The following SYNJ2 variants were observed in gnomAD, a reference collection of about 807,000 sequenced individuals.
SYNJ2 encodes the protein synaptojanin 2, also known as polyphosphatidylinositol phosphatase SYNJ2.
SYNJ2 carries 116 observed loss-of-function variants against 141.3 expected under a neutral mutation model. The observed-to-expected ratio is 0.82, with a 90% CI of 0.71 to 0.96. The LOEUF is 0.96. Ranked by LOEUF, SYNJ2 falls within the 40% of genes least tolerant of loss-of-function variation. SYNJ2 has a pLI of 0.00. For synonymous variants in SYNJ2, 745 were observed against 777.7 expected, an observed-to-expected ratio of 0.96 and a Z score of 0.70; for missense variants, 1,873 against 1,934.8, an observed-to-expected ratio of 0.97 and a Z score of 0.60.
At chr6:158,054,939 T>G in intron 5 of SYNJ2, 28 bp from the exon 6 acceptor site, 5 of 1,612,050 alleles carry the variant, frequency 3.1e-6, no homozygotes, top group Non-Finnish European at 4.2e-6. Flanking sequence ...GAAGGAAGAA[T>G]CACTGTTGTT....
rs1783773907 is a variant in SYNJ2, at chr6:158,095,925, G to A, written c.4052G>A (p.Ser1351Asn). Residue 1351 changes from serine (S) to asparagine (N), a missense_variant, in exon 27 of 27, where the codon AGC becomes AAC. Ser to Asn is a conservative substitution (Grantham distance 46, BLOSUM62 1). Coordinates refer to ENST00000355585, the MANE Select transcript of SYNJ2 (RefSeq NM_003898.4). ...GCCTTCCACCTGCAGGTCCTGCAGAGCAACAGCCAGCTTCTCCAGGGCCTC... is the reference window on the plus strand; with the variant it reads ...GCCTTCCACCTGCAGGTCCTGCAGAACAACAGCCAGCTTCTCCAGGGCCTC... ...PAAFHLQVLQ[S>N]NSQLLQGLTY... 1 of 1,614,004 alleles carries A rather than the reference G, an allele frequency of 6.2e-7. No homozygotes were observed.
rs1024809488 is a variant in SYNJ2 at position 158,063,952 on chromosome 6, T to C, written c.1209+80T>C. 331 of 1,464,276 alleles carry C rather than the reference T, an allele frequency of 2.3e-4. 2 individuals carry two copies. The highest frequency in any genetic ancestry group is 2.9e-4 in the Non-Finnish European group (303 of 1,052,692). The allele number at this position is 1,464,276 out of a possible 1,614,324, so 90.7% of individuals were successfully genotyped here. A position where few individuals can be genotyped will look rare whatever the true frequency, so the allele number is the denominator to read the frequency against. On this transcript the variant is annotated intron_variant, in intron 9 of 26. Transcript: ENST00000355585. The stretch of plus-strand genomic sequence containing the variant: ...CTGGACAGGCTGGGCTGAGCACCTT[T>C]AGCGGCAAGATGAGGGTGGCATCAC...
chr6:158,090,003 C>T, intron 25 of SYNJ2, 56 bp downstream of exon 25: 3 of 1,291,230 alleles, frequency 2.3e-6, no homozygotes, highest in Non-Finnish European at 3.4e-6. Flanking sequence ...TTTTTATCTC[C>T]CTGCTAAAAG....
In SYNJ2 at chr6:158,047,027, T is replaced by C. The variant is rs371561943; in HGVS notation, c.795+3628T>C. Among the ~76,000 whole-genome samples the C allele has an allele frequency of 5.9e-5, 9 of 152,302 alleles. 2 individuals carry two copies. Among genetic ancestry groups the C allele is most frequent in the African/African-American group, 2.2e-4 (9 of 41,558 alleles). On this transcript the variant is annotated intron_variant, in intron 5 of 26. Coordinates refer to ENST00000355585, the MANE Select transcript of SYNJ2 (RefSeq NM_003898.4). The stretch of plus-strand genomic sequence containing the variant: ...CCCTCTTGCCCTGCCTTCACCTCTT[T>C]CCTGCCAGAAACCATTCGCCAAGTT...
chr6:158,018,091 G>A (rs1431223586), intron 2 of SYNJ2, among the ~76,000 whole-genome samples: 1 of 152,224 alleles, frequency 6.6e-6, no homozygotes, highest in Admixed American at 6.5e-5. Context: ...AGTGTGGGGT[G>A]GGAGGGAGAG....
At chr6:157,981,801 A>C, upstream of SYNJ2, 3 of 534,204 alleles carry the variant, frequency 5.6e-6, no homozygotes, top group Non-Finnish European at 2.8e-6. This position sits in a 1 kb window ranked among gnomAD's most constrained non-coding sequence, Gnocchi z 6.4. Flanking sequence ...GCGAGTGGGG[A>C]GGAGGAGGAA....
In SYNJ2 at chr6:158,033,493, T is replaced by C; in HGVS notation, c.524T>C (p.Val175Ala). 1 of 1,612,856 alleles carries C rather than the reference T, an allele frequency of 6.2e-7. No individual in the cohort carries two copies. The highest frequency in any genetic ancestry group is 8.5e-7 in the Non-Finnish European group (1 of 1,178,864). Residue 175 changes from valine to alanine, a missense_variant, in exon 4 of 27, where the codon GTG becomes GCG. Val to Ala is a moderately conservative substitution (Grantham distance 64, BLOSUM62 0). Coordinates refer to ENST00000355585, the MANE Select transcript of SYNJ2 (RefSeq NM_003898.4). ...CACGTGCCCTTGAGGCAGCACCAGG[T>C]GAGCTGCTGTGACTGGCTGCTGAAG... ...LLHVPLRQHQ[V>A]SCCDWLLKII... is the part of the protein sequence containing the mutation.
intron 12 of SYNJ2, 77 bp from the exon 13 acceptor site, chr6:158,068,570 G>T: frequency 6.5e-7 from 1 of 1,527,602 alleles, no homozygotes; most frequent in Non-Finnish European, 9.0e-7. Context: ...TCGGGAGAGG[G>T]CACTGGGGAG....
chr6:158,051,666 G>T lies in SYNJ2; in HGVS notation c.796-3301G>T, dbSNP rs555020770. ...GAACTGTTTATATAAAAAAAACCTGGCTGGGCACAATGGCTCAAGCCTGTA... is the reference window on the plus strand; with the variant it reads ...GAACTGTTTATATAAAAAAAACCTGTCTGGGCACAATGGCTCAAGCCTGTA... On this transcript the variant is annotated intron_variant, in intron 5 of 26. Transcript: ENST00000355585. 7.2e-5 allele frequency among the ~76,000 whole-genome samples: 11 copies of T among 152,054 alleles called. No homozygotes were observed. The South Asian group carries it at 2.3e-3, about 32-fold the overall frequency.
At chr6:158,045,316 G>C (rs1328353285) in intron 5 of SYNJ2, among the ~76,000 whole-genome samples, 1 of 151,940 alleles carries the variant, frequency 6.6e-6, no homozygotes, top group Non-Finnish European at 1.5e-5. Context: ...CACCATGTTA[G>C]CCAGGCTGGT....
chr6:158,084,366 T>C lies in SYNJ2; in HGVS notation c.3208+192T>C, dbSNP rs538198267. On this transcript the variant is annotated intron_variant, in intron 22 of 26. Transcript: ENST00000355585. This position sits in a 1 kb window ranked among gnomAD's most constrained non-coding sequence, Gnocchi z 5.0. ...GGTAGCCAGCTCCAACACCCTGATT[T>C]CCTCTAGTTAGTTTATTTTTTTACA... Among the ~76,000 whole-genome samples the C allele has an allele frequency of 2.6e-5, 4 of 152,154 alleles. No individual in the cohort carries two copies. Among genetic ancestry groups the C allele is most frequent in the South Asian group, 4.2e-4 (2 of 4,814 alleles).
In SYNJ2 at chr6:158,030,073, G is replaced by A. The variant is rs189087642; in HGVS notation, c.485+1047G>A. Reference sequence around the variant, plus strand: ...GACTAGTCCCGGAGCCCAGGCAGAGGCGGCTGGATTTCTGTATGTTTAAGA... The same window carrying A: ...GACTAGTCCCGGAGCCCAGGCAGAGACGGCTGGATTTCTGTATGTTTAAGA... On this transcript the variant is annotated intron_variant, in intron 3 of 26. Coordinates refer to ENST00000355585, the MANE Select transcript of SYNJ2 (RefSeq NM_003898.4). 9.2e-5 allele frequency among the ~76,000 whole-genome samples: 14 copies of A among 152,286 alleles called. 1 individual carries two copies. The highest frequency in any genetic ancestry group is 7.8e-4 in the Admixed American group (12 of 15,304).
Position 158,064,892 on chromosome 6 carries a change from G to T in SYNJ2, c.1426G>T (p.Val476Leu). The T allele has an allele frequency of 6.2e-7, 1 of 1,613,816 alleles. No homozygotes were observed. The highest frequency in any genetic ancestry group is 1.1e-5 in the South Asian group (1 of 91,002). The change falls in exon 11 of 27, where the codon GTG (valine) becomes TTG (leucine). Residue 476 changes from valine (V) to leucine (L), a missense_variant. Val to Leu is a conservative substitution (Grantham distance 32, BLOSUM62 1). Transcript: ENST00000355585. ...CATCCAGTCCAACTTCTTCGACGGG[G>T]TGAAGCAGGAGGCCATCAAGCTGCT... ...RTIQSNFFDGVKQEAIKLLLV... is the reference protein window; with the variant it reads ...RTIQSNFFDGLKQEAIKLLLV...
intron 6 of SYNJ2, among the ~76,000 whole-genome samples, chr6:158,055,640 A>G (rs1202835611): frequency 2.6e-5 from 4 of 152,196 alleles, no homozygotes; most frequent in Non-Finnish European, 4.4e-5. Context: ...ACTTCTTAAA[A>G]GATTTGCTTA....
chr6:157,988,163 G>T (rs1242252493), intron 1 of SYNJ2, among the ~76,000 whole-genome samples: 1 of 152,242 alleles, frequency 6.6e-6, no homozygotes, highest in East Asian at 1.9e-4. Context: ...TCCACCCCAG[G>T]CCCGGGCGTT....
intron 2 of SYNJ2, among the ~76,000 whole-genome samples, chr6:158,019,103 C>T (rs755650507): frequency 6.6e-5 from 10 of 152,364 alleles, no homozygotes; most frequent in Non-Finnish European, 1.3e-4. Context: ...CTTTTTTCCA[C>T]ATGGTAGTAT....
intron 5 of SYNJ2, among the ~76,000 whole-genome samples, chr6:158,048,800 C>A (rs999878453): frequency 6.6e-6 from 1 of 152,174 alleles, no homozygotes; most frequent in Non-Finnish European, 1.5e-5. Flanking sequence ...CACTTTCAAC[C>A]TACGGCTCCA....
intron 1 of SYNJ2, among the ~76,000 whole-genome samples, chr6:157,988,342 C>A (rs1777285600): frequency 6.6e-6 from 1 of 152,172 alleles, no homozygotes. Context: ...CATAATGAAC[C>A]TGGCCTTCCA....
intron 5 of SYNJ2, among the ~76,000 whole-genome samples, chr6:158,053,113 TA>T (rs1780659034): frequency 6.6e-6 from 1 of 152,226 alleles, no homozygotes; most frequent in Non-Finnish European, 1.5e-5. Flanking sequence ...TGTTTCATTA[TA>T]ATCACATTCA....
Sources: gnomAD v4.1 joint callset for allele counts (sites outside exome capture counted in the v4.1 genomes callset) on GRCh38, gnomAD v4.1.1 for gene constraint, Gnocchi (gnomAD v3.1) non-coding constraint, MANE v1.5 for transcripts, NCBI Gene and HGNC (gene_info 2026-07-23, HGNC 2026-07-21) for gene names.